MACROD2: variants seen among roughly 807,000 people sequenced by gnomAD.
MACROD2 encodes ADP-ribose glycohydrolase MACROD2.
MACROD2 carries 36 observed loss-of-function variants against 70.4 expected under a neutral mutation model. That is an observed-to-expected ratio of 0.51 (90% CI 0.39 to 0.68). The LOEUF is 0.68. MACROD2 is among the 30% of genes least tolerant of loss of function. The pLI, the probability that MACROD2 is intolerant of heterozygous loss-of-function variation, is 0.00. For synonymous variants in MACROD2, 172 were observed against 178.8 expected (o/e 0.96, Z 0.30); for missense variants, 496 against 538.4 (o/e 0.92, Z 0.78).
intron 5 of MACROD2, among the ~76,000 whole-genome samples, chr20:14,850,967 C>G (rs1325780929): frequency 6.6e-6 from 1 of 151,736 alleles, no homozygotes; most frequent in Non-Finnish European, 1.5e-5. Context: ...TTTTTTAAAC[C>G]TAGCATTGAC....
chr20:15,021,133 C>CGTGTATGTGT (rs2075169929), intron 5 of MACROD2, among the ~76,000 whole-genome samples: 1 of 117,824 alleles, frequency 8.5e-6, no homozygotes, highest in Non-Finnish European at 1.7e-5. Context: ...TGTGTATACA[C>CGTGTATGTGT]ATACGTGTGT....
intron 4 of MACROD2, among the ~76,000 whole-genome samples, chr20:14,659,277 A>G (rs1186384309): frequency 1.3e-5 from 2 of 152,244 alleles, no homozygotes; most frequent in African/African-American, 4.8e-5. Context: ...CAAGTTATGT[A>G]TAATACATAT....
intron 5 of MACROD2, among the ~76,000 whole-genome samples, chr20:14,702,697 G>GTA (rs1280729935): frequency 1.5e-5 from 2 of 132,488 alleles, no homozygotes; most frequent in East Asian, 4.2e-4. Flanking sequence ...GTATATATAT[G>GTA]TATATATATG....
chr20:14,204,083 A>G (rs1199889667), intron 3 of MACROD2, among the ~76,000 whole-genome samples: 1 of 152,144 alleles, frequency 6.6e-6, no homozygotes, highest in African/African-American at 2.4e-5. Flanking sequence ...GGGATGGTGT[A>G]CAGTTGGACT....
intron 3 of MACROD2, among the ~76,000 whole-genome samples, chr20:14,283,934 G>T (rs1385895786): frequency 1.3e-5 from 2 of 152,168 alleles, no homozygotes; most frequent in Admixed American, 1.3e-4. Flanking sequence ...ATCTGACATA[G>T]GCCCAGGTTG....
At chr20:15,027,814 A>G (rs2075245273) in intron 5 of MACROD2, among the ~76,000 whole-genome samples, 1 of 152,078 alleles carries the variant, frequency 6.6e-6, no homozygotes, top group Non-Finnish European at 1.5e-5. Flanking sequence ...TGAATACTCT[A>G]TCTAAATATC....
intron 3 of MACROD2, among the ~76,000 whole-genome samples, chr20:14,477,736 G>T (rs927816539): frequency 6.6e-6 from 1 of 151,970 alleles, no homozygotes; most frequent in Non-Finnish European, 1.5e-5. Flanking sequence ...CTCATTGGAG[G>T]TTTGAAGTCT....
intron 5 of MACROD2, among the ~76,000 whole-genome samples, chr20:15,228,187 T>G (rs1163294376): frequency 6.6e-6 from 1 of 152,200 alleles, no homozygotes; most frequent in East Asian, 1.9e-4. Context: ...CACTGTGTGC[T>G]ATTTTTTTTC....
chr20:15,412,376 C>G (rs918251162), intron 6 of MACROD2, among the ~76,000 whole-genome samples: 2 of 152,094 alleles, frequency 1.3e-5, no homozygotes, highest in African/African-American at 4.8e-5. Context: ...ATTGAATACC[C>G]TTATGCATTG....
At chr20:15,047,796 C>T (rs1369582607) in intron 5 of MACROD2, among the ~76,000 whole-genome samples, 5 of 152,048 alleles carry the variant, frequency 3.3e-5, no homozygotes, top group Admixed American at 6.6e-5. Flanking sequence ...TTCATTGCAA[C>T]GTGATGAGGT....
At chr20:15,495,176 G>A (rs1213628908) in intron 7 of MACROD2, among the ~76,000 whole-genome samples, 3 of 152,200 alleles carry the variant, frequency 2.0e-5, no homozygotes. Flanking sequence ...GTGATGTTCT[G>A]AGGAAGGCCT....
chr20:14,008,650 C>T (rs772642749), intron 2 of MACROD2, among the ~76,000 whole-genome samples: 1 of 151,998 alleles, frequency 6.6e-6, no homozygotes, highest in South Asian at 2.1e-4. Context: ...AAAAAGAGCC[C>T]AAATAGCCAA....
At chr20:15,571,867 T>G (rs767678515) in intron 8 of MACROD2, among the ~76,000 whole-genome samples, 15 of 152,170 alleles carry the variant, frequency 9.9e-5, no homozygotes, top group Non-Finnish European at 2.1e-4. Context: ...TCATTAAGTT[T>G]TCTGGCAAGT....
At chr20:14,285,398 G>C (rs2082335777) in intron 3 of MACROD2, among the ~76,000 whole-genome samples, 1 of 152,040 alleles carries the variant, frequency 6.6e-6, no homozygotes, top group African/African-American at 2.4e-5. Flanking sequence ...ATGTCATGTT[G>C]GTCACAACAA....
chr20:15,422,703 T>C (rs1020627305), intron 6 of MACROD2, among the ~76,000 whole-genome samples: 1 of 152,194 alleles, frequency 6.6e-6, no homozygotes, highest in African/African-American at 2.4e-5. Context: ...CAGGATACTA[T>C]AAAATTGCCT....
intron 8 of MACROD2, among the ~76,000 whole-genome samples, chr20:15,745,072 T>C (rs1568537171): frequency 6.6e-6 from 1 of 152,214 alleles, no homozygotes; most frequent in African/African-American, 2.4e-5. Context: ...GTAGCTACAG[T>C]CCATTTATTT....
chr20:14,228,340 T>C (rs1329578342), intron 3 of MACROD2, among the ~76,000 whole-genome samples: 1 of 27,850 alleles, frequency 3.6e-5, no homozygotes, highest in Admixed American at 3.8e-4. Flanking sequence ...ATATTTTTCT[T>C]TTTTTTTTTT....
intron 5 of MACROD2, among the ~76,000 whole-genome samples, chr20:15,005,015 T>G (rs1474567018): frequency 6.6e-6 from 1 of 152,160 alleles, no homozygotes; most frequent in Non-Finnish European, 1.5e-5. Flanking sequence ...TCTTTCTAGG[T>G]GGAACAACAA....
At chr20:14,432,088 G>C (rs2084001055) in intron 3 of MACROD2, among the ~76,000 whole-genome samples, 1 of 152,102 alleles carries the variant, frequency 6.6e-6, no homozygotes, top group Admixed American at 6.6e-5. Context: ...AGAATATCAT[G>C]GCATAAAATT....
Sources: allele counts gnomAD v4.1 joint callset (sites outside exome capture counted in the v4.1 genomes callset), GRCh38; gene constraint gnomAD v4.1.1; transcripts MANE v1.5; gene names NCBI Gene and HGNC (gene_info 2026-07-23, HGNC 2026-07-21).